Variants in LYPLAL1 observed in about 807,000 individuals in gnomAD.
LYPLAL1 encodes the protein lysophospholipase-like protein 1.
LYPLAL1 carries 23 observed loss-of-function variants against 19.7 expected under a neutral mutation model. The ratio of observed to expected loss-of-function variants is 1.17; its 90% CI spans 0.84 to 1.65. The LOEUF is 1.65. Ranked by LOEUF, LYPLAL1 falls within the 40% of genes most tolerant of loss-of-function variation. The pLI is 0.00. For missense variants in LYPLAL1, 355 were observed against 279.4 expected, an observed-to-expected ratio of 1.27 and a Z score of -1.93; for synonymous variants, 119 against 96.3, an observed-to-expected ratio of 1.24 and a Z score of -1.38.
At chr1:219,403,749 T>C in the LYPLAL1 span, among the ~76,000 whole-genome samples, 1 of 152,184 alleles carries the variant, frequency 6.6e-6, no homozygotes, top group Non-Finnish European at 1.5e-5. Flanking sequence ...TTTCTATTTT[T>C]CAAAATTTAA....
chr1:219,350,504 C>A, the LYPLAL1 span, among the ~76,000 whole-genome samples: 17 of 152,222 alleles, frequency 1.1e-4, no homozygotes, highest in Non-Finnish European at 2.1e-4. Context: ...CTGTTCCCAG[C>A]ATTCTGCACT....
At chr1:219,290,790 C>G in the LYPLAL1 span, among the ~76,000 whole-genome samples, 5 of 152,278 alleles carry the variant, frequency 3.3e-5, no homozygotes, top group African/African-American at 1.2e-4. Context: ...GATTGGGACC[C>G]CTAACATAAC....
chr1:219,265,727 A>G, the LYPLAL1 span, among the ~76,000 whole-genome samples: 1 of 152,166 alleles, frequency 6.6e-6, no homozygotes, highest in African/African-American at 2.4e-5. Context: ...CCTAGGTGGT[A>G]CAGCCTGCTA....
chr1:219,313,947 T>C, the LYPLAL1 span, among the ~76,000 whole-genome samples: 1 of 152,228 alleles, frequency 6.6e-6, no homozygotes, highest in African/African-American at 2.4e-5. Context: ...TAGTACCTGA[T>C]AGATAGTTCT....
intron 3 of LYPLAL1, among the ~76,000 whole-genome samples, chr1:219,198,062 T>C (rs1472846876): frequency 6.6e-6 from 1 of 152,154 alleles, no homozygotes; most frequent in African/African-American, 2.4e-5. Context: ...TGAATGAAGA[T>C]AATTTGTTTT....
the LYPLAL1 span, among the ~76,000 whole-genome samples, chr1:219,367,863 G>A: frequency 6.6e-6 from 1 of 151,898 alleles, no homozygotes; most frequent in Non-Finnish European, 1.5e-5. Flanking sequence ...TCTGCAAAGG[G>A]GGCCATCCAC....
the LYPLAL1 span, chr1:219,273,158 C>T: frequency 6.6e-6 from 1 of 152,148 alleles, no homozygotes; most frequent in African/African-American, 2.4e-5. Flanking sequence ...TTTTGCTCTC[C>T]ACATGAGCTC....
At chr1:219,445,096 T>C in the LYPLAL1 span, among the ~76,000 whole-genome samples, 1 of 152,138 alleles carries the variant, frequency 6.6e-6, no homozygotes, top group African/African-American at 2.4e-5. Flanking sequence ...ACTTTCAGTT[T>C]TCTACATGCA....
the LYPLAL1 span, among the ~76,000 whole-genome samples, chr1:219,285,440 A>C: frequency 6.6e-6 from 1 of 152,196 alleles, no homozygotes; most frequent in African/African-American, 2.4e-5. Context: ...AAAATATCTA[A>C]CACATATTCA....
At chr1:219,325,822 C>A in the LYPLAL1 span, among the ~76,000 whole-genome samples, 1 of 152,138 alleles carries the variant, frequency 6.6e-6, no homozygotes, top group Non-Finnish European at 1.5e-5. Flanking sequence ...TCCATATCTT[C>A]TGACCAATCC....
the LYPLAL1 span, among the ~76,000 whole-genome samples, chr1:219,396,578 C>T: frequency 6.6e-6 from 1 of 152,080 alleles, no homozygotes; most frequent in South Asian, 2.1e-4. Flanking sequence ...TTGTTAGTGT[C>T]TTTTCTGATT....
the LYPLAL1 span, among the ~76,000 whole-genome samples, chr1:219,382,876 T>C: frequency 7.9e-5 from 12 of 152,056 alleles, no homozygotes; most frequent in African/African-American, 2.7e-4. Flanking sequence ...GTTTTTTTTT[T>C]CAAAAAATAT....
intron 1 of LYPLAL1, among the ~76,000 whole-genome samples, chr1:219,178,424 A>G (rs1050188767): frequency 6.6e-6 from 1 of 152,218 alleles, no homozygotes; most frequent in Non-Finnish European, 1.5e-5. Flanking sequence ...CAGGGATTCA[A>G]TAGGCAGTTT....
At chr1:219,262,145 A>G in the LYPLAL1 span, among the ~76,000 whole-genome samples, 1 of 151,988 alleles carries the variant, frequency 6.6e-6, no homozygotes, top group African/African-American at 2.4e-5. Context: ...CTATTGTTCA[A>G]ACTTTCTGGT....
the LYPLAL1 span, among the ~76,000 whole-genome samples, chr1:219,442,311 G>T: frequency 6.6e-6 from 1 of 152,010 alleles, no homozygotes; most frequent in East Asian, 1.9e-4. Context: ...AACTGAATTG[G>T]ATTGAAGTGG....
the LYPLAL1 span, among the ~76,000 whole-genome samples, chr1:219,328,234 C>T: frequency 4.6e-5 from 7 of 152,270 alleles, no homozygotes; most frequent in East Asian, 3.9e-4. Flanking sequence ...GCGATACTTC[C>T]GGTTTCTCAC....
At chr1:219,281,931 C>T in the LYPLAL1 span, among the ~76,000 whole-genome samples, 1 of 152,146 alleles carries the variant, frequency 6.6e-6, no homozygotes, top group Non-Finnish European at 1.5e-5. Flanking sequence ...CTCATAGGTA[C>T]AGTAGTTCCA....
At chr1:219,315,849 G>T in the LYPLAL1 span, among the ~76,000 whole-genome samples, 1 of 152,074 alleles carries the variant, frequency 6.6e-6, no homozygotes, top group Non-Finnish European at 1.5e-5. Context: ...CTTAGGGATG[G>T]GCAGTCCATC....
At chr1:219,350,127 G>T in the LYPLAL1 span, among the ~76,000 whole-genome samples, 1 of 152,270 alleles carries the variant, frequency 6.6e-6, no homozygotes, top group African/African-American at 2.4e-5. Context: ...GATAGAGATG[G>T]ATAGAGTGAA....
Sources: allele counts gnomAD v4.1 joint callset (sites outside exome capture counted in the v4.1 genomes callset), GRCh38; gene constraint gnomAD v4.1.1; transcripts MANE v1.5; gene names NCBI Gene and HGNC (gene_info 2026-07-23, HGNC 2026-07-21).